The following DUSP14 variants were observed in gnomAD, a reference collection of about 807,000 sequenced individuals.
DUSP14 encodes dual specificity protein phosphatase 14.
DUSP14 carries 5 observed loss-of-function variants against 13.2 expected under a neutral mutation model. That is an observed-to-expected ratio of 0.38 (90% confidence interval 0.20 to 0.80). DUSP14 has a LOEUF of 0.80. DUSP14 is among the 30% of genes least tolerant of loss of function. The pLI is 0.44. For missense variants in DUSP14, 185 were observed against 264.0 expected, an observed-to-expected ratio of 0.70 and a Z score of 2.07; for synonymous variants, 91 against 103.4, an observed-to-expected ratio of 0.88 and a Z score of 0.73.
At chr17:37,506,157 C>T (rs150699618) in intron 1 of DUSP14, among the ~76,000 whole-genome samples, 15,416 of 151,888 alleles carry the variant, frequency 0.1, 928 homozygotes, top group East Asian at 0.24. Flanking sequence ...CCCAGCTACT[C>T]GGGAGGCTGA....
At chr17:37,495,668 G>GTTTTTTTT (rs1555696273) in intron 1 of DUSP14, among the ~76,000 whole-genome samples, 1 of 148,056 alleles carries the variant, frequency 6.8e-6, no homozygotes, top group African/African-American at 2.5e-5. Flanking sequence ...TTGTTTTTTT[G>GTTTTTTTT]TTTTTTTTTT....
At chr17:37,494,245 G>T (rs2054049160) in intron 1 of DUSP14, among the ~76,000 whole-genome samples, 1 of 152,024 alleles carries the variant, frequency 6.6e-6, no homozygotes, top group African/African-American at 2.4e-5. Flanking sequence ...CGCCCGCCTC[G>T]GCCTCCCAAA....
intron 1 of DUSP14, among the ~76,000 whole-genome samples, chr17:37,491,842 A>G (rs893959292): frequency 2.0e-5 from 3 of 152,240 alleles, no homozygotes; most frequent in Non-Finnish European, 4.4e-5. Context: ...CAAGAAATAC[A>G]TTAACCATTC....
intron 1 of DUSP14, among the ~76,000 whole-genome samples, chr17:37,509,135 A>ATATATATATATATATATG (rs1568204456): frequency 1.3e-4 from 5 of 38,956 alleles, no homozygotes; most frequent in Admixed American, 1.1e-3. Flanking sequence ...ATATACACAC[A>ATATATATATATATATATG]CACACACACA....
At position 37,512,239 on chromosome 17, in the gene DUSP14, C is replaced by G; in HGVS notation, c.-34C>G. 6.5e-7 allele frequency: 1 copy of G among 1,540,588 alleles called. No individual in the cohort carries two copies. The highest frequency in any genetic ancestry group is 1.2e-5 in the South Asian group (1 of 80,652). Reference sequence around the variant, plus strand: ...GGAAAATAAAACACTCTGGTCTTGCCGCCAACGATGCAAGTGTGACTGCTG... The same window carrying G: ...GGAAAATAAAACACTCTGGTCTTGCGGCCAACGATGCAAGTGTGACTGCTG... On this transcript the variant is annotated 5_prime_UTR_variant, in exon 3 of 3. Coordinates refer to ENST00000617516, the MANE Select transcript of DUSP14 (RefSeq NM_007026.4). This position sits in a 1 kb window ranked among gnomAD's most constrained non-coding sequence, Gnocchi z 4.8.
At chr17:37,501,876 A>C (rs2054107621) in intron 1 of DUSP14, among the ~76,000 whole-genome samples, 1 of 152,116 alleles carries the variant, frequency 6.6e-6, no homozygotes, top group Admixed American at 6.5e-5. Context: ...AATCTATAAA[A>C]CAACTCCCCA....
intron 1 of DUSP14, among the ~76,000 whole-genome samples, chr17:37,509,259 A>AG (rs2054163258): frequency 0.015 from 443 of 28,698 alleles, 30 homozygotes; most frequent in African/African-American, 0.046. Context: ...ATATATATAT[A>AG]TATATATATA....
intron 1 of DUSP14, among the ~76,000 whole-genome samples, chr17:37,508,797 T>TC (rs398100496): frequency 4.1e-5 from 6 of 147,524 alleles, no homozygotes; most frequent in Non-Finnish European, 7.4e-5. Flanking sequence ...ACTTTTTTTT[T>TC]CAAAAACCAT....
In DUSP14 at chr17:37,512,334, A is replaced by G; in HGVS notation, c.62A>G (p.Glu21Gly). Residue 21 changes from glutamate to glycine, a missense_variant, in exon 3 of 3, where the codon GAG becomes GGG. Coordinates refer to ENST00000617516, the MANE Select transcript of DUSP14 (RefSeq NM_007026.4). This position sits in a 1 kb window ranked among gnomAD's most constrained non-coding sequence, Gnocchi z 4.8. The stretch of plus-strand genomic sequence containing the variant: ...CTCATGGCCCCTCGGATGATTTCCG[A>G]GGGAGACATAGGAGGCATTGCTCAA... Reference protein sequence around the residue: ...RTLMAPRMISEGDIGGIAQIT... With the variant: ...RTLMAPRMISGGDIGGIAQIT... The G allele has an allele frequency of 1.9e-6, 3 of 1,613,970 alleles. No homozygotes were observed. The highest frequency in any genetic ancestry group is 2.5e-6 in the Non-Finnish European group (3 of 1,179,944).
intron 1 of DUSP14, among the ~76,000 whole-genome samples, chr17:37,509,139 A>ATATATGTG (rs1568204473): frequency 4.8e-5 from 3 of 63,100 alleles, no homozygotes; most frequent in African/African-American, 2.3e-4. Context: ...ACACACACAC[A>ATATATGTG]CACACACACA....
rs2054207737 is a variant in DUSP14 at position 37,513,154 on chromosome 17, GCT to G, written c.*290_*291del. The G allele has an allele frequency of 2.3e-6, 1 of 425,668 alleles. No individual in the cohort carries two copies. The highest frequency in any genetic ancestry group is 4.8e-5 in the South Asian group (1 of 20,844). 26.4% of individuals were successfully genotyped at this position (425,668 alleles called of 1,614,324 possible). ...TTGAACAGTTTAATAAACTGGTTCTGCTCTCTTCTGAATCTCATGCCTTTGGC... is the reference window on the plus strand; with the variant it reads ...TTGAACAGTTTAATAAACTGGTTCTGCTCTTCTGAATCTCATGCCTTTGGC... On this transcript the variant is annotated 3_prime_UTR_variant, in exon 3 of 3. Transcript: ENST00000617516.
At chr17:37,492,686 A>G (rs1287680697) in intron 1 of DUSP14, among the ~76,000 whole-genome samples, 1 of 152,220 alleles carries the variant, frequency 6.6e-6, no homozygotes, top group Admixed American at 6.5e-5. Context: ...AATCAACATT[A>G]GATTTATTGA....
At chr17:37,489,467 C>G (rs917298867), upstream of DUSP14, among the ~76,000 whole-genome samples, 1 of 152,164 alleles carries the variant, frequency 6.6e-6, no homozygotes, top group Non-Finnish European at 1.5e-5. Flanking sequence ...CGAGGCCGTC[C>G]CGAGCCACCC....
chr17:37,505,554 C>T (rs73291809), intron 1 of DUSP14, among the ~76,000 whole-genome samples: 3,211 of 151,654 alleles, frequency 0.021, 108 homozygotes, highest in African/African-American at 0.074. Context: ...ACTGTTGTGG[C>T]CATTTTCTGC....
At chr17:37,509,297 A>AGTGTGTGTGTGTGT (rs71135737) in intron 1 of DUSP14, among the ~76,000 whole-genome samples, 1 of 26,764 alleles carries the variant, frequency 3.7e-5, no homozygotes, top group African/African-American at 1.5e-4. Context: ...ATATATATAT[A>AGTGTGTGTGTGTGT]GTGTGTGTGT....
At chr17:37,508,579 C>T (rs1174975507) in intron 1 of DUSP14, among the ~76,000 whole-genome samples, 1 of 151,802 alleles carries the variant, frequency 6.6e-6, no homozygotes. Context: ...ACTTAAAGTA[C>T]AAAAAATAGC....
upstream of DUSP14, chr17:37,489,754 G>GCCGCCCCGCGCGTCCCC (rs1225712360): frequency 6.7e-6 from 1 of 149,138 alleles, no homozygotes; most frequent in Non-Finnish European, 1.5e-5. Context: ...CGCGCCGCCT[G>GCCGCCCCGCGCGTCCCC]CCGCCCCGCG....
At position 37,512,593 on chromosome 17, in the gene DUSP14, C is replaced by T. The variant is rs758326236; in HGVS notation, c.321C>T (p.Thr107=). Residue 107 remains threonine (T), a synonymous_variant, in exon 3 of 3, where the codon ACC becomes ACT. Coordinates refer to ENST00000617516, the MANE Select transcript of DUSP14 (RefSeq NM_007026.4). The surrounding 1 kb of genome is among the most constrained non-coding windows in gnomAD (Gnocchi z 4.8). The part of the protein sequence containing the change: ...IHSVSRKHGA[T]LVHCAAGVSR... ...GTGTGAGCAGGAAGCACGGGGCCAC[C>T]TTGGTGCACTGTGCTGCAGGGGTGA... is the stretch of plus-strand genomic sequence containing the variant. The T allele has an allele frequency of 6.2e-7, 1 of 1,614,130 alleles. No homozygotes were observed. Among genetic ancestry groups the T allele is most frequent in the Admixed American group, 1.7e-5 (1 of 60,014 alleles).
intron 1 of DUSP14, chr17:37,491,456 A>G (rs983899900): frequency 6.6e-6 from 1 of 152,186 alleles, no homozygotes; most frequent in Non-Finnish European, 1.5e-5. Context: ...TCCTGCCTCC[A>G]GCTCTGACTC....
Sources: gnomAD v4.1 joint callset for allele counts (sites outside exome capture counted in the v4.1 genomes callset) on GRCh38, gnomAD v4.1.1 for gene constraint, Gnocchi (gnomAD v3.1) non-coding constraint, MANE v1.5 for transcripts, NCBI Gene and HGNC (gene_info 2026-07-23, HGNC 2026-07-21) for gene names.